The following EHMT1 variants were observed in gnomAD, a reference collection of about 807,000 sequenced individuals.
EHMT1 encodes the protein histone-lysine N-methyltransferase EHMT1.
A neutral mutation model predicts 147.2 loss-of-function variants in EHMT1; 15 were observed. The ratio of observed to expected loss-of-function variants is 0.10; its 90% CI spans 0.07 to 0.16. The LOEUF is 0.16. EHMT1 is among the 10% of genes least tolerant of loss of function. EHMT1 has a pLI of 1.00. For missense variants in EHMT1, 1,587 were observed against 1,772.4 expected (o/e 0.90, Z 1.88); for synonymous variants, 795 against 709.6 (o/e 1.12, Z -1.91).
At chr9:137,817,320 G>A (rs540672702) in intron 23 of EHMT1, 119 bp from the exon 24 acceptor site, 42 of 1,154,206 alleles carry the variant, frequency 3.6e-5, no homozygotes, top group East Asian at 2.4e-4. Context: ...CGAACGCTTC[G>A]GATACAGAAC....
intron 9 of EHMT1, among the ~76,000 whole-genome samples, chr9:137,758,540 A>T (rs1225366353): frequency 6.6e-6 from 1 of 152,196 alleles, no homozygotes; most frequent in Non-Finnish European, 1.5e-5. Flanking sequence ...CACACTTTCT[A>T]TCAGTTTTTT....
At chr9:137,765,090 G>A (rs549836520) in intron 10 of EHMT1, among the ~76,000 whole-genome samples, 2 of 152,368 alleles carry the variant, frequency 1.3e-5, no homozygotes, top group East Asian at 3.9e-4. Flanking sequence ...CCGCCCGAAG[G>A]CGGTATTGTC....
intron 9 of EHMT1, among the ~76,000 whole-genome samples, chr9:137,761,463 GT>G (rs959806665): frequency 1.3e-5 from 2 of 151,242 alleles, no homozygotes; most frequent in African/African-American, 4.9e-5. Flanking sequence ...AAGAGTTAAT[GT>G]TTTTTTTTGA....
intron 3 of EHMT1, among the ~76,000 whole-genome samples, chr9:137,725,328 T>C (rs1946522591): frequency 1.3e-5 from 2 of 152,194 alleles, no homozygotes; most frequent in South Asian, 4.1e-4. Context: ...CGTGGGGCTT[T>C]CAGTGTTCCG....
At chr9:137,750,738 C>T (rs768937767) in intron 6 of EHMT1, among the ~76,000 whole-genome samples, 6 of 152,088 alleles carry the variant, frequency 3.9e-5, no homozygotes, top group African/African-American at 7.2e-5. Context: ...TGGGGGACAC[C>T]GGAGCTCAGG....
At chr9:137,808,211 G>A (rs1290624105) in intron 18 of EHMT1, among the ~76,000 whole-genome samples, 1 of 152,214 alleles carries the variant, frequency 6.6e-6, no homozygotes, top group Non-Finnish European at 1.5e-5. Context: ...ACAGGCTTGT[G>A]GCCGCTAGTG....
At chr9:137,678,171 A>G (rs1029653869) in intron 1 of EHMT1, among the ~76,000 whole-genome samples, 2 of 152,198 alleles carry the variant, frequency 1.3e-5, no homozygotes, top group African/African-American at 2.4e-5. Flanking sequence ...AAAAATCTGT[A>G]AGGGATATAC....
At chr9:137,688,583 C>A (rs1398158306) in intron 1 of EHMT1, among the ~76,000 whole-genome samples, 2 of 152,140 alleles carry the variant, frequency 1.3e-5, no homozygotes, top group Non-Finnish European at 2.9e-5. Context: ...AGAGAAATAT[C>A]AATGTAGAGC....
intron 1 of EHMT1, among the ~76,000 whole-genome samples, chr9:137,642,051 G>A (rs777215772): frequency 6.6e-6 from 1 of 151,818 alleles, no homozygotes; most frequent in Admixed American, 6.6e-5. Context: ...AGTTGGCCAA[G>A]CTGGTCCTGA....
At chr9:137,829,667 C>T (rs1956059440) in intron 25 of EHMT1, among the ~76,000 whole-genome samples, 1 of 152,266 alleles carries the variant, frequency 6.6e-6, no homozygotes. Flanking sequence ...TTCCTACCAG[C>T]AGCCCACACA....
intron 4 of EHMT1, among the ~76,000 whole-genome samples, chr9:137,738,065 A>T (rs771736986): frequency 3.9e-5 from 6 of 152,082 alleles, no homozygotes; most frequent in Non-Finnish European, 7.4e-5. Context: ...ATAGTGGTGC[A>T]TGCCTGTGGT....
intron 1 of EHMT1, among the ~76,000 whole-genome samples, chr9:137,679,422 C>A (rs148598828): frequency 8.9e-4 from 136 of 152,162 alleles, no homozygotes; most frequent in African/African-American, 3.1e-3. Flanking sequence ...CAGTGTGGCA[C>A]CCTCTTGACA....
intron 1 of EHMT1, among the ~76,000 whole-genome samples, chr9:137,665,791 A>G (rs1220166178): frequency 6.6e-6 from 1 of 152,232 alleles, no homozygotes; most frequent in Non-Finnish European, 1.5e-5. Flanking sequence ...TGATTGTTTT[A>G]AAATGGTTGT....
intron 19 of EHMT1, 91 bp from the exon 20 acceptor site, chr9:137,812,915 G>T: frequency 6.5e-7 from 1 of 1,534,540 alleles, no homozygotes; most frequent in Non-Finnish European, 9.0e-7. Context: ...TCCCTTTATT[G>T]TTAGTGATGA....
chr9:137,814,389 C>T (rs373739402), intron 21 of EHMT1, 42 bp from the exon 22 acceptor site: 92 of 1,598,790 alleles, frequency 5.8e-5, no homozygotes, highest in Non-Finnish European at 7.4e-5. Flanking sequence ...AAATGGAAGG[C>T]CTGTGCCTGC....
rs187109077 is a variant in EHMT1 at position 137,689,189 on chromosome 9, A to G, written c.22-21778A>G. On this transcript the variant is annotated intron_variant, in intron 1 of 26. Coordinates refer to ENST00000460843, the MANE Select transcript of EHMT1 (RefSeq NM_024757.5). ...TCTCTATGTATAATCTTATTGTGGA[A>G]AAAAATCAAACATTGCAAATAAAGC... 1.8e-4 allele frequency among the ~76,000 whole-genome samples: 27 copies of G among 152,348 alleles called. 1 individual carries two copies. Among genetic ancestry groups the G allele is most frequent in the African/African-American group, 6.0e-4 (25 of 41,588 alleles).
chr9:137,776,511 C>G lies in EHMT1; in HGVS notation c.1792-107C>G, dbSNP rs1950972389. 1.7e-6 allele frequency: 2 copies of G among 1,164,182 alleles called. No individual in the cohort carries two copies. Among genetic ancestry groups the G allele is most frequent in the Admixed American group, 2.0e-5 (1 of 50,946 alleles). 72.1% of individuals were successfully genotyped at this position (1,164,182 alleles called of 1,614,324 possible). A position where few individuals can be genotyped will look rare whatever the true frequency, so the allele number is the denominator to read the frequency against. ...ACCCCACCCCGACCCATGGCTCACT[C>G]TGCAGACCGCCCGATGTGGGATGCG... On this transcript the variant is annotated intron_variant, in intron 11 of 26. Coordinates refer to ENST00000460843, the MANE Select transcript of EHMT1 (RefSeq NM_024757.5). The surrounding 1 kb of genome is among the most constrained non-coding windows in gnomAD (Gnocchi z 4.4).
rs954850478 is a variant in EHMT1, at chr9:137,790,703, A to G, written c.2383-145A>G. The G allele has an allele frequency of 7.5e-6, 8 of 1,069,822 alleles. No individual in the cohort carries two copies. The African/African-American group carries it at 9.5e-5, about 13-fold the overall frequency. The allele number at this position is 1,069,822 out of a possible 1,614,324, so 66.3% of individuals were successfully genotyped here. The stretch of plus-strand genomic sequence containing the variant: ...AATAATAGAATAATTATGTCTTTGA[A>G]TACGTGTTTAGAAAACTCAGACATT... On this transcript the variant is annotated intron_variant, in intron 15 of 26. Transcript: ENST00000460843.
chr9:137,802,713 G>A (rs1164783202), intron 18 of EHMT1: 42 of 865,754 alleles, frequency 4.9e-5, no homozygotes, highest in Middle Eastern at 3.9e-4. Flanking sequence ...GTGGGCACCC[G>A]CTGCCTCCCT....
Sources: gnomAD v4.1 joint callset for allele counts (sites outside exome capture counted in the v4.1 genomes callset) on GRCh38, gnomAD v4.1.1 for gene constraint, Gnocchi (gnomAD v3.1) non-coding constraint, MANE v1.5 for transcripts, NCBI Gene and HGNC (gene_info 2026-07-23, HGNC 2026-07-21) for gene names.